The following ARHGEF1 variants were observed in gnomAD, a reference collection of about 807,000 sequenced individuals.
ARHGEF1 encodes the protein Rho guanine nucleotide exchange factor 1, also known as 115 kDa guanine nucleotide exchange factor.
ARHGEF1 carries 40 observed loss-of-function variants against 119.7 expected under a neutral mutation model. That is an observed-to-expected ratio of 0.33 (90% confidence interval 0.26 to 0.44). ARHGEF1 has a LOEUF of 0.44. Among genes scored for constraint, ARHGEF1 ranks in the 20% least tolerant of loss-of-function variants. The probability of loss-of-function intolerance (pLI) is 1.00; values close to 1 mark genes in which losing one functional copy is unlikely to be tolerated. For synonymous variants in ARHGEF1, 494 were observed against 521.0 expected, an observed-to-expected ratio of 0.95 and a Z score of 0.71; for missense variants, 976 against 1,268.3, an observed-to-expected ratio of 0.77 and a Z score of 3.50.
chr19:41,922,860 G>A (rs1223251736), upstream of ARHGEF1, among the ~76,000 whole-genome samples: 6 of 152,210 alleles, frequency 3.9e-5, no homozygotes, highest in East Asian at 1.9e-4. Flanking sequence ...CCGCCGAGGC[G>A]GATCGATCCC....
intron 28 of ARHGEF1, 23 bp from the exon 29 acceptor site, chr19:41,907,082 C>T: frequency 6.7e-7 from 1 of 1,485,084 alleles, no homozygotes; most frequent in Non-Finnish European, 8.9e-7. Flanking sequence ...TCCCCGTCTC[C>T]CCTCTTCTCC....
intron 1 of ARHGEF1, 134 bp from the exon 2 acceptor site, chr19:41,887,930 G>A (rs1456604843): frequency 5.0e-6 from 5 of 1,000,102 alleles, no homozygotes; most frequent in Non-Finnish European, 4.3e-6. Flanking sequence ...CCACACAGAG[G>A]CCCCATTGAG....
Position 41,892,632 on chromosome 19 carries a change from G to A in ARHGEF1, c.397G>A (p.Asp133Asn), listed in dbSNP as rs1555846472. Residue 133 changes from aspartate (D) to asparagine (N), a missense_variant, in exon 7 of 29, where the codon GAT (aspartate) becomes AAT (asparagine). Transcript: ENST00000354532. The surrounding 1 kb of genome is among the most constrained non-coding windows in gnomAD (Gnocchi z 6.3). ...DRTRADLISE[D>N]VQRRFVQEVV... is the part of the protein sequence containing the mutation. ...CACTAGGGCTGACCTCATCTCCGAG[G>A]ATGTCCAGCGGCGGTTCGTGCAGGA... The A allele has an allele frequency of 1.2e-6, 2 of 1,611,216 alleles. No homozygotes were observed. Among genetic ancestry groups the A allele is most frequent in the Non-Finnish European group, 1.7e-6 (2 of 1,178,136 alleles).
Position 41,903,832 on chromosome 19 carries a change from AG to A in ARHGEF1, c.1917+52del. ...CCCCCGCCCCCCTACTCCTTGGCCC[AG>A]GGGATTCTGTGATACAGCCCCCAGC... is the stretch of plus-strand genomic sequence containing the variant. On this transcript the variant is annotated intron_variant, in intron 20 of 28. Transcript: ENST00000354532. This position sits in a 1 kb window ranked among gnomAD's most constrained non-coding sequence, Gnocchi z 4.2. The A allele has an allele frequency of 6.4e-7, 1 of 1,560,608 alleles. No homozygotes were observed.
Position 41,916,842 on chromosome 19 carries a change from C to T in ARHGEF1, c.1866-6250C>T, listed in dbSNP as rs768231797. Among the ~76,000 whole-genome samples the T allele has an allele frequency of 8.0e-6, 1 of 125,668 alleles. No homozygotes were observed. The highest frequency in any genetic ancestry group is 1.5e-5 in the Non-Finnish European group (1 of 67,314). 82.4% of individuals were successfully genotyped at this position (125,668 alleles called of 152,430 possible). A position where few individuals can be genotyped will look rare whatever the true frequency, so the allele number is the denominator to read the frequency against. On this transcript the variant is annotated intron_variant, in intron 18 of 20. Transcript: ENST00000599589. This position sits in a 1 kb window ranked among gnomAD's most constrained non-coding sequence, Gnocchi z 5.4. ...AAGATCACGGACCCAAACATACGAC[C>T]GACAGCGGCCCCTGCAGAGGTACAC...
rs2074548744 is a variant in ARHGEF1, at chr19:41,898,480, G to T, written c.1160G>T (p.Gly387Val). 2.6e-6 allele frequency: 4 copies of T among 1,550,868 alleles called. No individual in the cohort carries two copies. The highest frequency in any genetic ancestry group is 2.0e-5 in the Admixed American group (1 of 50,948). Residue 387 changes from glycine to valine, a missense_variant, in exon 14 of 29, where the codon GGA becomes GTA. Transcript: ENST00000354532. ...GATGAGGGGGAGCCGGGGCGGTCGG[G>T]ACTGGAGCTTGAACCAGAAGAGCCT... is the stretch of plus-strand genomic sequence containing the variant. ...PGDEGEPGRS[G>V]LELEPEEPPG... is the part of the protein sequence containing the mutation.
In ARHGEF1 at chr19:41,905,669, C is replaced by T; in HGVS notation, c.2337-91C>T. Reference sequence around the variant, plus strand: ...ACCTCTGTCTCTGTCTCCGGACCTCCCTGCCTCCCCACCTCCAGCTCTCTG... The same window carrying T: ...ACCTCTGTCTCTGTCTCCGGACCTCTCTGCCTCCCCACCTCCAGCTCTCTG... On this transcript the variant is annotated intron_variant, in intron 24 of 28. Transcript: ENST00000354532. This position sits in a 1 kb window ranked among gnomAD's most constrained non-coding sequence, Gnocchi z 6.4. 7.2e-7 allele frequency: 1 copy of T among 1,390,352 alleles called. No individual in the cohort carries two copies. The highest frequency in any genetic ancestry group is 1.0e-6 in the Non-Finnish European group (1 of 994,518). 86.1% of individuals were successfully genotyped at this position (1,390,352 alleles called of 1,614,324 possible).
chr19:41,899,110 A>C (rs2074558102), intron 14 of ARHGEF1, among the ~76,000 whole-genome samples: 1 of 152,068 alleles, frequency 6.6e-6, no homozygotes, highest in Admixed American at 6.5e-5. Context: ...CTCCCACCTC[A>C]GCCTCCCGAG....
In ARHGEF1 at chr19:41,904,868, G is replaced by T; in HGVS notation, c.2162-81G>T. 2 of 1,229,140 alleles carry T rather than the reference G, an allele frequency of 1.6e-6. No individual in the cohort carries two copies. The highest frequency in any genetic ancestry group is 2.4e-5 in the South Asian group (2 of 82,716). The allele number at this position is 1,229,140 out of a possible 1,614,324, so 76.1% of individuals were successfully genotyped here. On this transcript the variant is annotated intron_variant, in intron 22 of 28. Transcript: ENST00000354532. This position sits in a 1 kb window ranked among gnomAD's most constrained non-coding sequence, Gnocchi z 8.4. ...CCCTGAGAGCGCCACCACTGTGGGTGACTTCTCCAGCTTGTGCTTAGGGAG... is the reference window on the plus strand; with the variant it reads ...CCCTGAGAGCGCCACCACTGTGGGTTACTTCTCCAGCTTGTGCTTAGGGAG...
intron 1 of ARHGEF1, among the ~76,000 whole-genome samples, chr19:41,927,269 G>A (rs2074877225): frequency 6.6e-6 from 1 of 152,096 alleles, no homozygotes; most frequent in African/African-American, 2.4e-5. Flanking sequence ...GTCCCAGAGG[G>A]CCCCGGCCCC....
chr19:41,905,639 C>T lies in ARHGEF1; in HGVS notation c.2337-121C>T. On this transcript the variant is annotated intron_variant, in intron 24 of 28. Transcript: ENST00000354532. This position sits in a 1 kb window ranked among gnomAD's most constrained non-coding sequence, Gnocchi z 6.4. Reference sequence around the variant, plus strand: ...GCCTCTCTGTCTCCCTGTCTCCCGGCCTCGACCTCTGTCTCTGTCTCCGGA... The same window carrying T: ...GCCTCTCTGTCTCCCTGTCTCCCGGTCTCGACCTCTGTCTCTGTCTCCGGA... 1 of 1,005,798 alleles carries T rather than the reference C, an allele frequency of 9.9e-7. No individual in the cohort carries two copies. Among genetic ancestry groups the T allele is most frequent in the East Asian group, 2.5e-5 (1 of 39,684 alleles). 62.3% of individuals were successfully genotyped at this position (1,005,798 alleles called of 1,614,324 possible). A position where few individuals can be genotyped will look rare whatever the true frequency, so the allele number is the denominator to read the frequency against.
rs141361335 is a variant in ARHGEF1 at position 41,914,220 on chromosome 19, C to T, written c.1865+7417C>T. Among the ~76,000 whole-genome samples the T allele has an allele frequency of 2.7e-3, 401 of 151,232 alleles. 1 individual carries two copies. The highest frequency in any genetic ancestry group is 7.2e-3 in the Admixed American group (110 of 15,208). The stretch of plus-strand genomic sequence containing the variant: ...TCCCCTGTCCCAGGCCCCCTCTGTT[C>T]CCACACCTGTCTCCCCGTCTTTCTC... On this transcript the variant is annotated intron_variant, in intron 18 of 20. Transcript: ENST00000599589.
At chr19:41,895,960 A>G (rs1555847462) in intron 12 of ARHGEF1, among the ~76,000 whole-genome samples, 1 of 152,020 alleles carries the variant, frequency 6.6e-6, no homozygotes, top group Admixed American at 6.5e-5. Context: ...TTTATTTAGT[A>G]TCTTGGATAT....
Position 41,917,588 on chromosome 19 carries a change from G to C in ARHGEF1, c.1866-5504G>C, listed in dbSNP as rs1427256031. On this transcript the variant is annotated intron_variant, in intron 18 of 20. Coordinates refer to the ARHGEF1 transcript ENST00000599589. This position sits in a 1 kb window ranked among gnomAD's most constrained non-coding sequence, Gnocchi z 4.8. ...CTCTGTCTAAAGAGGAGAGAGACGC[G>C]GCCTAAGACCCTTCTGCCACCGCCG... Among the ~76,000 whole-genome samples the C allele has an allele frequency of 2.0e-5, 3 of 151,432 alleles. No individual in the cohort carries two copies. The East Asian group carries it at 5.8e-4, about 29-fold the overall frequency.
chr19:41,902,362 A>G lies in ARHGEF1; in HGVS notation c.1497+6A>G. The stretch of plus-strand genomic sequence containing the variant: ...GAGACGTGCTGCTGGCCCGGGTGAG[A>G]TGCCCAGCCCTCCCGCTCCTCCCAG... On this transcript the variant is annotated splice_donor_region_variant and intron_variant, in intron 16 of 28. Transcript: ENST00000354532. The surrounding 1 kb of genome is among the most constrained non-coding windows in gnomAD (Gnocchi z 6.5). 1 of 1,613,928 alleles carries G rather than the reference A, an allele frequency of 6.2e-7. No homozygotes were observed. The highest frequency in any genetic ancestry group is 1.1e-5 in the South Asian group (1 of 91,078).
chr19:41,912,087 G>C (rs138974884), downstream of ARHGEF1, among the ~76,000 whole-genome samples: 958 of 152,048 alleles, frequency 6.3e-3, 12 homozygotes, highest in African/African-American at 0.018. Flanking sequence ...AGGCACAGTC[G>C]GAGAGCTGGC....
In ARHGEF1 at chr19:41,902,825, G is replaced by A. The variant is rs782264047; in HGVS notation, c.1665G>A (p.Lys555=). 3.1e-6 allele frequency: 5 copies of A among 1,613,294 alleles called. No individual in the cohort carries two copies. In the Admixed American group the frequency reaches 6.7e-5, roughly 22 times the overall value. The change falls in exon 18 of 29, where the codon AAG becomes AAA. Residue 555 remains lysine, a synonymous_variant. Coordinates refer to ENST00000354532, the MANE Select transcript of ARHGEF1 (RefSeq NM_004706.4). The surrounding 1 kb of genome is among the most constrained non-coding windows in gnomAD (Gnocchi z 6.5). ...SRPRCRRLQL[K]DMIPTEMQRL... ...CGCGGTGCCGCCGCCTGCAGCTGAA[G>A]GACATGATCCCCACGGAGATGCAGC...
rs781830566 is a variant in ARHGEF1, at chr19:41,906,553, G to T, written c.2588G>T (p.Ser863Ile). Residue 863 changes from serine to isoleucine, a missense_variant, in exon 27 of 29, where the codon AGC (serine) becomes ATC (isoleucine). Transcript: ENST00000354532. This position sits in a 1 kb window ranked among gnomAD's most constrained non-coding sequence, Gnocchi z 4.5. ...GDGVPGGGPL[S>I]PARTQEIQEN... ...GGGGTCCCAGGGGGCGGCCCCCTGA[G>T]CCCAGCACGGACCCAGGAAATCCAG... is the stretch of plus-strand genomic sequence containing the variant. The T allele has an allele frequency of 4.1e-5, 66 of 1,594,902 alleles. No homozygotes were observed. The highest frequency in any genetic ancestry group is 2.8e-5 in the Non-Finnish European group (33 of 1,175,058).
chr19:41,908,348 C>T (rs567176957), downstream of ARHGEF1: 25 of 1,231,484 alleles, frequency 2.0e-5, no homozygotes, highest in Non-Finnish European at 2.1e-5. This position sits in a 1 kb window ranked among gnomAD's most constrained non-coding sequence, Gnocchi z 6.7. Flanking sequence ...AGTCGCTGTC[C>T]TCCTTCCCAC....
Sources: gnomAD v4.1 joint callset for allele counts (sites outside exome capture counted in the v4.1 genomes callset) on GRCh38, gnomAD v4.1.1 for gene constraint, Gnocchi (gnomAD v3.1) non-coding constraint, MANE v1.5 for transcripts, NCBI Gene and HGNC (gene_info 2026-07-23, HGNC 2026-07-21) for gene names.